Variants in SYT16 observed in about 807,000 individuals in gnomAD.
The protein encoded by SYT16 is synaptotagmin 16.
SYT16 carries 42 observed loss-of-function variants against 61.4 expected under a neutral mutation model. The ratio of observed to expected loss-of-function variants is 0.68; its 90% CI spans 0.53 to 0.89. SYT16 has a LOEUF of 0.89. Ranked by LOEUF, SYT16 falls within the 40% of genes least tolerant of loss-of-function variation. The pLI, the probability that SYT16 is intolerant of heterozygous loss-of-function variation, is 0.00. For missense variants in SYT16, 804 were observed against 807.3 expected (o/e 1.00, Z 0.05); for synonymous variants, 314 against 302.3 (o/e 1.04, Z -0.40).
intron 3 of SYT16, among the ~76,000 whole-genome samples, chr14:62,052,456 T>G (rs1282165615): frequency 6.6e-6 from 1 of 152,230 alleles, no homozygotes; most frequent in Non-Finnish European, 1.5e-5. Context: ...TCTGTTCTCA[T>G]GGCCTAATAT....
rs920995566 is a variant in SYT16 at position 62,001,100 on chromosome 14, A to C, written c.523+4558A>C. 1.3e-5 allele frequency among the ~76,000 whole-genome samples: 2 copies of C among 152,080 alleles called. 1 individual carries two copies. Among genetic ancestry groups the C allele is most frequent in the South Asian group, 4.1e-4 (2 of 4,826 alleles). ...TAAAAACCCCTCCTCAAAACCAAAA[A>C]TTTAAAAAGATAAAAAGATTATATT... On this transcript the variant is annotated intron_variant, in intron 3 of 7. Transcript: ENST00000683842.
intron 1 of SYT16, among the ~76,000 whole-genome samples, chr14:61,882,050 G>A (rs2047719644): frequency 6.6e-6 from 1 of 152,102 alleles, no homozygotes; most frequent in South Asian, 2.1e-4. Flanking sequence ...CTTCGAATCT[G>A]TTTTTGTTCT....
At chr14:61,816,384 T>G (rs2045427871) in intron 1 of SYT16, among the ~76,000 whole-genome samples, 1 of 152,198 alleles carries the variant, frequency 6.6e-6, no homozygotes, top group South Asian at 2.1e-4. Flanking sequence ...TATTCAGGAT[T>G]TCAGATGCCT....
chr14:62,005,398 G>A (rs2053181948), intron 3 of SYT16, among the ~76,000 whole-genome samples: 1 of 152,116 alleles, frequency 6.6e-6, no homozygotes, highest in African/African-American at 2.4e-5. Context: ...ACTCACGACT[G>A]TGTTGTTCCT....
chr14:62,074,916 A>T (rs947307319), intron 4 of SYT16, among the ~76,000 whole-genome samples: 1 of 152,204 alleles, frequency 6.6e-6, no homozygotes, highest in Non-Finnish European at 1.5e-5. Context: ...TTTAAAAAGT[A>T]TTAAGCCTTC....
chr14:61,998,182 C>A (rs2052846592), intron 3 of SYT16, among the ~76,000 whole-genome samples: 1 of 151,934 alleles, frequency 6.6e-6, no homozygotes, highest in South Asian at 2.1e-4. Flanking sequence ...TTTACACATA[C>A]ACATATTCTT....
intron 1 of SYT16, among the ~76,000 whole-genome samples, chr14:61,891,425 A>G (rs1195412097): frequency 2.0e-5 from 3 of 152,140 alleles, no homozygotes; most frequent in East Asian, 3.9e-4. Flanking sequence ...AGAACAATGC[A>G]TTTCAGCTCA....
At chr14:62,009,680 C>T (rs1566760499) in intron 3 of SYT16, among the ~76,000 whole-genome samples, 1 of 152,156 alleles carries the variant, frequency 6.6e-6, no homozygotes, top group African/African-American at 2.4e-5. Context: ...AAGGGACTTA[C>T]TGATTCCTGT....
Position 62,075,234 on chromosome 14 carries a change from A to T in SYT16, c.836A>T (p.Asp279Val), listed in dbSNP as rs201659397. The T allele has an allele frequency of 2.5e-6, 4 of 1,613,746 alleles. No homozygotes were observed. The highest frequency in any genetic ancestry group is 3.4e-6 in the Non-Finnish European group (4 of 1,179,822). Residue 279 changes from aspartate (D) to valine (V), a missense_variant, in exon 5 of 8, where the codon GAT (aspartate) becomes GTT (valine). Coordinates refer to ENST00000683842, the MANE Select transcript of SYT16 (RefSeq NM_001367656.1). The part of the protein sequence containing the change: ...AHSQSPCERG[D>V]AKHHGTSHQE... The stretch of plus-strand genomic sequence containing the variant: ...TCACAGTCCCCATGTGAAAGAGGGG[A>T]TGCCAAACACCACGGCACATCTCAC...
rs955811742 is a variant in SYT16 at position 62,099,875 on chromosome 14, GTGTC to G, written c.1625-497_1625-494del. 9.5e-3 allele frequency among the ~76,000 whole-genome samples: 440 copies of G among 46,504 alleles called. 3 individuals carry two copies. The highest frequency in any genetic ancestry group is 0.037 in the Admixed American group (217 of 5,808). 30.5% of individuals were successfully genotyped at this position (46,504 alleles called of 152,430 possible). A position where few individuals can be genotyped will look rare whatever the true frequency, so the allele number is the denominator to read the frequency against. On this transcript the variant is annotated intron_variant, in intron 7 of 7. Transcript: ENST00000683842. ...CCTGGGCAACGGAGCAAGACCTTGT[GTGTC>G]TGTCTGTCTGTCTGTCTGTCTCTCT... is the stretch of plus-strand genomic sequence containing the variant.
intron 1 of SYT16, among the ~76,000 whole-genome samples, chr14:61,938,756 C>T (rs1270996528): frequency 1.3e-5 from 2 of 152,086 alleles, no homozygotes; most frequent in Non-Finnish European, 2.9e-5. Context: ...TTGTTTGATG[C>T]TAAGAAGGAT....
At chr14:62,059,684 A>ATATATATGTAATT (rs1372106702) in intron 3 of SYT16, among the ~76,000 whole-genome samples, 8 of 147,454 alleles carry the variant, frequency 5.4e-5, no homozygotes, top group Middle Eastern at 3.3e-3. Flanking sequence ...TATATAATTT[A>ATATATATGTAATT]TATATATGTA....
intron 7 of SYT16, among the ~76,000 whole-genome samples, chr14:62,094,397 G>C (rs1269543986): frequency 6.6e-6 from 1 of 152,024 alleles, no homozygotes; most frequent in Non-Finnish European, 1.5e-5. Context: ...AATGCAGCCA[G>C]TAGTACTGAA....
Position 61,840,393 on chromosome 14 carries a change from G to T in SYT16, c.-325+27583G>T, listed in dbSNP as rs2046268802. ...ATGGTTGAGATCACCCAGGGAGAGTGAGTAGAGTAAGGAGAAACGTTAAGG... is the reference window on the plus strand; with the variant it reads ...ATGGTTGAGATCACCCAGGGAGAGTTAGTAGAGTAAGGAGAAACGTTAAGG... On this transcript the variant is annotated intron_variant, in intron 1 of 7. Coordinates refer to ENST00000683842, the MANE Select transcript of SYT16 (RefSeq NM_001367656.1). Among the ~76,000 whole-genome samples, 2 of 152,124 alleles carry T rather than the reference G, an allele frequency of 1.3e-5. 1 individual carries two copies. Among genetic ancestry groups the T allele is most frequent in the Admixed American group, 1.3e-4 (2 of 15,274 alleles).
chr14:62,002,218 G>A (rs992459249), intron 3 of SYT16, among the ~76,000 whole-genome samples: 1 of 152,008 alleles, frequency 6.6e-6, no homozygotes, highest in African/African-American at 2.4e-5. Context: ...TCTAATGCAG[G>A]ATGTTTAGTG....
At chr14:61,890,205 C>G (rs2048069725) in intron 1 of SYT16, among the ~76,000 whole-genome samples, 1 of 152,152 alleles carries the variant, frequency 6.6e-6, no homozygotes, top group South Asian at 2.1e-4. Context: ...AGGCTGGGAG[C>G]TTCTGGGCTG....
In SYT16 at chr14:62,108,869, G is replaced by A. The variant is rs1410062122; in HGVS notation, c.*8162G>A. 1 of 152,098 alleles carries A rather than the reference G, an allele frequency of 6.6e-6. No homozygotes were observed. The highest frequency in any genetic ancestry group is 1.5e-5 in the Non-Finnish European group (1 of 68,002). 9.4% of individuals were successfully genotyped at this position (152,098 alleles called of 1,614,324 possible). A position where few individuals can be genotyped will look rare whatever the true frequency, so the allele number is the denominator to read the frequency against. On this transcript the variant is annotated 3_prime_UTR_variant, in exon 8 of 8. Transcript: ENST00000683842. ...CTGGTCTTTGAGATCTACTTTTTAA[G>A]AAATTAATAAATTTTATTTTTTAGA... is the stretch of plus-strand genomic sequence containing the variant.
At chr14:61,995,362 A>G (rs1043871173) in intron 2 of SYT16, among the ~76,000 whole-genome samples, 6 of 152,092 alleles carry the variant, frequency 3.9e-5, no homozygotes, top group African/African-American at 1.4e-4. Context: ...CCAAGAATAG[A>G]TATGATTTCT....
At chr14:61,964,533 A>G (rs2051235088) in intron 1 of SYT16, among the ~76,000 whole-genome samples, 1 of 152,202 alleles carries the variant, frequency 6.6e-6, no homozygotes, top group South Asian at 2.1e-4. Context: ...AGATAAACAA[A>G]GAAAGTGGTT....
Sources: allele counts gnomAD v4.1 joint callset (sites outside exome capture counted in the v4.1 genomes callset), GRCh38; gene constraint gnomAD v4.1.1; transcripts MANE v1.5; gene names NCBI Gene and HGNC (gene_info 2026-07-23, HGNC 2026-07-21).